PHF20L1: variants seen among roughly 807,000 people sequenced by gnomAD.
The protein encoded by PHF20L1 is PHD finger protein 20-like protein 1.
In PHF20L1, 44 loss-of-function variants were observed where a neutral mutation model predicts 125.5. The observed-to-expected ratio is 0.35, with a 90% CI of 0.28 to 0.45. PHF20L1 has a LOEUF of 0.45. PHF20L1 is among the 20% of genes least tolerant of loss of function. The pLI, the probability that PHF20L1 is intolerant of heterozygous loss-of-function variation, is 1.00. For missense variants in PHF20L1, 1,012 were observed against 1,217.2 expected, an observed-to-expected ratio of 0.83 and a Z score of 2.51; for synonymous variants, 380 against 403.1, an observed-to-expected ratio of 0.94 and a Z score of 0.69.
At chr8:132,844,940 C>T (rs1048094135) in intron 20 of PHF20L1, among the ~76,000 whole-genome samples, 3 of 152,046 alleles carry the variant, frequency 2.0e-5, no homozygotes, top group Admixed American at 6.6e-5. Flanking sequence ...ATATTCTGCA[C>T]CCCAACTTTA....
chr8:132,821,958 CTTCTTGTAAAACTAAACTTATTT>C (rs1835652069), intron 12 of PHF20L1, among the ~76,000 whole-genome samples: 1 of 151,828 alleles, frequency 6.6e-6, no homozygotes, highest in Non-Finnish European at 1.5e-5. Context: ...AGATCGTGAA[CTTCTTGTAAAACTAAACTTATTT>C]TTCTTGTTGA....
chr8:132,834,116 A>C (rs188378925), intron 15 of PHF20L1, among the ~76,000 whole-genome samples: 3 of 152,042 alleles, frequency 2.0e-5, no homozygotes, highest in Non-Finnish European at 4.4e-5. Context: ...GTAAGGGGGA[A>C]CTTTTATTTG....
intron 8 of PHF20L1, chr8:132,808,654 T>C (rs913797935): frequency 2.0e-5 from 3 of 152,062 alleles, no homozygotes; most frequent in African/African-American, 4.8e-5. Context: ...AAAAACCTAA[T>C]GAATGTAGCT....
chr8:132,799,221 A>G (rs764427047), intron 6 of PHF20L1, 49 bp downstream of exon 6: 8 of 1,095,570 alleles, frequency 7.3e-6, no homozygotes, highest in Middle Eastern at 2.2e-4. Context: ...CTGGTATATA[A>G]TGTCATTTAG....
intron 2 of PHF20L1, among the ~76,000 whole-genome samples, chr8:132,778,296 G>A (rs1172861865): frequency 6.6e-6 from 1 of 152,110 alleles, no homozygotes; most frequent in Non-Finnish European, 1.5e-5. Flanking sequence ...GGTATTTTTG[G>A]TCTGTCAGTG....
chr8:132,782,397 AGATGG>A (rs1263480081), intron 2 of PHF20L1, among the ~76,000 whole-genome samples: 3 of 152,226 alleles, frequency 2.0e-5, no homozygotes, highest in African/African-American at 4.8e-5. Flanking sequence ...TAAGTTCTAC[AGATGG>A]GTACATAATC....
Position 132,845,993 on chromosome 8 carries a change from C to A in PHF20L1, c.*70C>A. Reference sequence around the variant, plus strand: ...AGCATTTTTATTATCCACGTGATGGCTAAGTGGATAATTTAAAAGCTTAGT... The same window carrying A: ...AGCATTTTTATTATCCACGTGATGGATAAGTGGATAATTTAAAAGCTTAGT... On this transcript the variant is annotated 3_prime_UTR_variant, in exon 21 of 21. Transcript: ENST00000395386. 1.7e-6 allele frequency: 2 copies of A among 1,160,616 alleles called. No individual in the cohort carries two copies. Among genetic ancestry groups the A allele is most frequent in the Non-Finnish European group, 2.5e-6 (2 of 797,442 alleles). The allele number at this position is 1,160,616 out of a possible 1,614,324, so 71.9% of individuals were successfully genotyped here. A position where few individuals can be genotyped will look rare whatever the true frequency, so the allele number is the denominator to read the frequency against.
At position 132,817,382 on chromosome 8, in the gene PHF20L1, T is replaced by A; in HGVS notation, c.1416T>A (p.Cys472Ter). Residue 472 changes from cysteine (C) to a stop codon, truncating the protein, a stop_gained, in exon 12 of 21, where the codon TGT (cysteine) becomes TGA (stop). Transcript: ENST00000395386. LOFTEE classifies it high-confidence loss of function. Reference sequence around the variant, plus strand: ...TGCCACTTGAGAAGCTGGGACCCTGTCTCCCTCTTGACTTAAGTCGTGGTT... The same window carrying A: ...TGCCACTTGAGAAGCTGGGACCCTGACTCCCTCTTGACTTAAGTCGTGGTT... ...AHLPLEKLGP[C>*]LPLDLSRGSE... 1 of 1,612,746 alleles carries A rather than the reference T, an allele frequency of 6.2e-7. No homozygotes were observed. The highest frequency in any genetic ancestry group is 8.5e-7 in the Non-Finnish European group (1 of 1,179,176).
At chr8:132,810,768 T>A (rs552761629) in intron 8 of PHF20L1, 2 of 316,924 alleles carry the variant, frequency 6.3e-6, no homozygotes, top group East Asian at 1.3e-4. Flanking sequence ...TTTAACTTTT[T>A]ACAGAATAAA....
chr8:132,796,993 C>T (rs184762326), intron 4 of PHF20L1, among the ~76,000 whole-genome samples: 2 of 152,138 alleles, frequency 1.3e-5, no homozygotes, highest in Admixed American at 1.3e-4. Context: ...ATAGCGCACA[C>T]ACTCAGAACA....
intron 17 of PHF20L1, chr8:132,838,676 G>C (rs966654983): frequency 6.6e-6 from 1 of 152,120 alleles, no homozygotes; most frequent in South Asian, 2.1e-4. Context: ...AGAAGCAAGA[G>C]AATTAATTAT....
At chr8:132,822,832 G>A (rs1011860550) in intron 12 of PHF20L1, among the ~76,000 whole-genome samples, 5 of 151,826 alleles carry the variant, frequency 3.3e-5, no homozygotes, top group African/African-American at 1.2e-4. Flanking sequence ...TTTGAAGTAA[G>A]ATGAATGAAA....
chr8:132,794,851 A>C, intron 4 of PHF20L1, 34 bp downstream of exon 4: 4 of 1,318,474 alleles, frequency 3.0e-6, no homozygotes, highest in Non-Finnish European at 4.3e-6. Context: ...ACTTAAAATT[A>C]GATTAATAGT....
chr8:132,822,327 TTCAG>T (rs1382456666), intron 12 of PHF20L1, among the ~76,000 whole-genome samples: 1 of 151,846 alleles, frequency 6.6e-6, no homozygotes, highest in East Asian at 1.9e-4. Flanking sequence ...ACACATTCCA[TTCAG>T]TAAAAGTAGC....
chr8:132,834,186 G>A (rs1235942071), intron 15 of PHF20L1, among the ~76,000 whole-genome samples: 1 of 152,018 alleles, frequency 6.6e-6, no homozygotes. Context: ...ACTCAGCTAA[G>A]CATAAGTTTA....
Position 132,775,602 on chromosome 8 carries a change from G to T in PHF20L1, c.-81G>T. 2.9e-6 allele frequency: 1 copy of T among 345,772 alleles called. No individual in the cohort carries two copies. The highest frequency in any genetic ancestry group is 5.2e-6 in the Non-Finnish European group (1 of 191,740). The allele number at this position is 345,772 out of a possible 1,614,324, so 21.4% of individuals were successfully genotyped here. On this transcript the variant is annotated 5_prime_UTR_variant, in exon 1 of 21. Coordinates refer to ENST00000395386, the MANE Select transcript of PHF20L1 (RefSeq NM_016018.5). ...GGCCGCCCTGCTCGTGCCCCAGCTCGGCCCCGGACGGCCCGGCTGCTGTGC... is the reference window on the plus strand; with the variant it reads ...GGCCGCCCTGCTCGTGCCCCAGCTCTGCCCCGGACGGCCCGGCTGCTGTGC...
intron 19 of PHF20L1, chr8:132,843,496 AG>A: frequency 1.3e-5 from 13 of 983,554 alleles, no homozygotes; most frequent in Non-Finnish European, 1.6e-5. Flanking sequence ...TAAGTACTTA[AG>A]TGAATTGGAA....
At chr8:132,782,453 AAAAGT>A (rs1830533464) in intron 2 of PHF20L1, among the ~76,000 whole-genome samples, 2 of 152,212 alleles carry the variant, frequency 1.3e-5, no homozygotes, top group Admixed American at 1.3e-4. Flanking sequence ...GGGAGAATAG[AAAAGT>A]AAATCTTTGG....
At chr8:132,817,883 T>TA in intron 12 of PHF20L1, 1 of 196,108 alleles carries the variant, frequency 5.1e-6, no homozygotes, top group South Asian at 1.1e-4. Flanking sequence ...AGCTGGGAAA[T>TA]ACTTAATGGG....
Sources: gnomAD v4.1 joint callset for allele counts (sites outside exome capture counted in the v4.1 genomes callset) on GRCh38, gnomAD v4.1.1 for gene constraint, MANE v1.5 for transcripts, NCBI Gene and HGNC (gene_info 2026-07-23, HGNC 2026-07-21) for gene names.